The following CMYA5 variants were observed in gnomAD, a reference collection of about 807,000 sequenced individuals.
CMYA5 encodes cardiomyopathy-associated protein 5.
CMYA5 carries 246 observed loss-of-function variants against 318.9 expected under a neutral mutation model. The observed-to-expected ratio is 0.77, with a 90% CI of 0.70 to 0.86. The LOEUF (loss-of-function observed/expected upper bound fraction) is 0.86. Ranked by LOEUF, CMYA5 falls within the 40% of genes least tolerant of loss-of-function variation. The probability of loss-of-function intolerance (pLI) is 0.00; values close to 1 mark genes in which losing one functional copy is unlikely to be tolerated. For missense variants in CMYA5, 4,589 were observed against 4,678.2 expected, an observed-to-expected ratio of 0.98 and a Z score of 0.56; for synonymous variants, 1,641 against 1,729.5, an observed-to-expected ratio of 0.95 and a Z score of 1.27.
rs767402291 is a variant in CMYA5 at position 79,714,431 on chromosome 5, C to CTTTTTCTTTTTTTT, written c.150-14479_150-14478insCTTTTTTTTTTTTT. Among the ~76,000 whole-genome samples, 573 of 100,674 alleles carry CTTTTTCTTTTTTTT rather than the reference C, an allele frequency of 5.7e-3. 1 individual carries two copies. The highest frequency in any genetic ancestry group is 8.5e-3 in the African/African-American group (197 of 23,282). The allele number at this position is 100,674 out of a possible 152,430, so 66.0% of individuals were successfully genotyped here. A position where few individuals can be genotyped will look rare whatever the true frequency, so the allele number is the denominator to read the frequency against. On this transcript the variant is annotated intron_variant, in intron 1 of 12. Transcript: ENST00000446378. ...CACATCTGATATCTTTTTTCTTTTT[C>CTTTTTCTTTTTTTT]TTTTTTTTTTTTTTTTTTTTGAGAT...
intron 12 of CMYA5, among the ~76,000 whole-genome samples, chr5:79,795,511 AG>A (rs761486411): frequency 1.3e-5 from 2 of 152,134 alleles, no homozygotes; most frequent in Non-Finnish European, 2.9e-5. Context: ...CCTCCTCTGC[AG>A]TTTCAGCAGC....
At chr5:79,704,088 T>TA (rs113958705) in intron 1 of CMYA5, among the ~76,000 whole-genome samples, 5,555 of 149,738 alleles carry the variant, frequency 0.037, 321 homozygotes, top group African/African-American at 0.13. Flanking sequence ...GAGACTGTGT[T>TA]AAAAAAAAAA....
At chr5:79,741,587 G>A (rs1241657054) in intron 2 of CMYA5, among the ~76,000 whole-genome samples, 3 of 152,084 alleles carry the variant, frequency 2.0e-5, no homozygotes, top group African/African-American at 7.2e-5. Flanking sequence ...TTGGGGTTAG[G>A]GAGTAGGGCA....
rs201556819 is a variant in CMYA5 at position 79,745,306 on chromosome 5, G to A, written c.10819G>A (p.Ala3607Thr). 1.2e-6 allele frequency: 2 copies of A among 1,613,660 alleles called. No individual in the cohort carries two copies. The highest frequency in any genetic ancestry group is 3.3e-5 in the Admixed American group (2 of 59,964). Residue 3607 changes from alanine (A) to threonine (T), a missense_variant, in exon 4 of 13, where the codon GCC (alanine) becomes ACC (threonine). Physicochemically the swap from Ala to Thr is moderately conservative, Grantham distance 58. Transcript: ENST00000446378. The stretch of plus-strand genomic sequence containing the variant: ...GGTTTTAGCACAGTATGATGAGAAA[G>A]CCCAGAGCTTTGAGGAAGTGAAGAA... ...KKVLAQYDEK[A>T]QSFEEVKKKK...
In CMYA5 at chr5:79,761,942, G is replaced by A. The variant is rs1561223039; in HGVS notation, c.11392G>A (p.Ala3798Thr). ...FTGCSLPSER[A>T]IFRTAPSTPV... ...TGGATGTAGCCTGCCCAGTGAAAGGGCCATCTTTAGGACAGGTAAGGAGAT... is the reference window on the plus strand; with the variant it reads ...TGGATGTAGCCTGCCCAGTGAAAGGACCATCTTTAGGACAGGTAAGGAGAT... Residue 3798 changes from alanine to threonine, a missense_variant, in exon 8 of 13, where the codon GCC (alanine) becomes ACC (threonine). Physicochemically the swap from Ala to Thr is moderately conservative, Grantham distance 58 (BLOSUM62 0). This residue lies in a region of CMYA5 where 2,431 missense variants were observed against 2,495.1 expected (regional missense o/e 0.97). Transcript: ENST00000446378. 6.2e-7 allele frequency: 1 copy of A among 1,613,278 alleles called. No individual in the cohort carries two copies. The highest frequency in any genetic ancestry group is 1.1e-5 in the South Asian group (1 of 90,836).
At chr5:79,697,163 TTAAA>T (rs1343172600) in intron 1 of CMYA5, among the ~76,000 whole-genome samples, 1 of 152,140 alleles carries the variant, frequency 6.6e-6, no homozygotes, top group Non-Finnish European at 1.5e-5. Flanking sequence ...AGGGCAGGTA[TTAAA>T]TAAATAATCT....
chr5:79,739,665 A>AAC (rs368541481), intron 2 of CMYA5, among the ~76,000 whole-genome samples: 5,461 of 149,980 alleles, frequency 0.036, 240 homozygotes, highest in African/African-American at 0.11. Flanking sequence ...ATCCAGGAAA[A>AAC]ACACACACAC....
chr5:79,710,141 T>G (rs1486783244), intron 1 of CMYA5, among the ~76,000 whole-genome samples: 1 of 152,078 alleles, frequency 6.6e-6, no homozygotes, highest in Non-Finnish European at 1.5e-5. Flanking sequence ...AGAATTCAGC[T>G]GTCTTCTGCT....
chr5:79,791,737 A>G (rs1829184586), intron 11 of CMYA5, among the ~76,000 whole-genome samples: 5 of 150,058 alleles, frequency 3.3e-5, no homozygotes, highest in East Asian at 3.9e-4. Context: ...AAAAAAAGGC[A>G]TAGAAGAGAA....
At chr5:79,714,408 C>G (rs560258887) in intron 1 of CMYA5, among the ~76,000 whole-genome samples, 15 of 148,072 alleles carry the variant, frequency 1.0e-4, no homozygotes, top group Non-Finnish European at 1.8e-4. Flanking sequence ...CTCTGTACCA[C>G]ATCTGATATC....
rs916465951 is a variant in CMYA5 at position 79,794,297 on chromosome 5, T to A, written c.11963+687T>A. 7.2e-5 allele frequency among the ~76,000 whole-genome samples: 11 copies of A among 152,258 alleles called. 1 individual carries two copies. The highest frequency in any genetic ancestry group is 7.2e-4 in the Admixed American group (11 of 15,290). ...GATGTCTGTCAAATCCTAGGATATT[T>A]ACATCTGTCCCTTTACAGAAAAAGT... On this transcript the variant is annotated intron_variant, in intron 12 of 12. Coordinates refer to ENST00000446378, the MANE Select transcript of CMYA5 (RefSeq NM_153610.5).
At chr5:79,693,521 T>TA (rs1451661189) in intron 1 of CMYA5, among the ~76,000 whole-genome samples, 1 of 152,016 alleles carries the variant, frequency 6.6e-6, no homozygotes, top group African/African-American at 2.4e-5. Flanking sequence ...TTTGTATTTT[T>TA]ATAAGAGACA....
At chr5:79,747,440 C>T (rs1168628978) in intron 5 of CMYA5, among the ~76,000 whole-genome samples, 1 of 152,190 alleles carries the variant, frequency 6.6e-6, no homozygotes, top group Non-Finnish European at 1.5e-5. Flanking sequence ...ATTGGTTAAA[C>T]ATGAGTATTT....
intron 1 of CMYA5, 65 bp from the exon 2 acceptor site, chr5:79,728,850 C>T (rs2151083716): frequency 1.3e-6 from 1 of 743,176 alleles, no homozygotes; most frequent in East Asian, 3.9e-5. Flanking sequence ...AATGTATTTA[C>T]TTATTCTATT....
chr5:79,716,250 T>C (rs1209513059), intron 1 of CMYA5, among the ~76,000 whole-genome samples: 1 of 152,196 alleles, frequency 6.6e-6, no homozygotes, highest in African/African-American at 2.4e-5. Flanking sequence ...TAGCTAGAGA[T>C]GAAAATATCA....
At chr5:79,784,816 C>G (rs1219873402) in intron 9 of CMYA5, among the ~76,000 whole-genome samples, 1 of 150,082 alleles carries the variant, frequency 6.7e-6, no homozygotes, top group African/African-American at 2.5e-5. Flanking sequence ...CGCCCACTGT[C>G]TGGCACTCCC....
At chr5:79,749,741 T>C (rs1204487884) in intron 5 of CMYA5, among the ~76,000 whole-genome samples, 1 of 152,110 alleles carries the variant, frequency 6.6e-6, no homozygotes, top group African/African-American at 2.4e-5. Context: ...TTGGGAGAAA[T>C]GTAAACAAAC....
At chr5:79,775,644 A>G (rs1229202253) in intron 9 of CMYA5, among the ~76,000 whole-genome samples, 1 of 152,246 alleles carries the variant, frequency 6.6e-6, no homozygotes, top group Non-Finnish European at 1.5e-5. Context: ...ATTCAGCTCT[A>G]AGATGAATTT....
Position 79,732,060 on chromosome 5 carries a change from A to G in CMYA5, c.3295A>G (p.Thr1099Ala). The G allele has an allele frequency of 6.2e-7, 1 of 1,613,914 alleles. No individual in the cohort carries two copies. Among genetic ancestry groups the G allele is most frequent in the Non-Finnish European group, 8.5e-7 (1 of 1,179,858 alleles). The change falls in exon 2 of 13, where the codon ACC becomes GCC. Residue 1099 changes from threonine to alanine, a missense_variant. By Grantham distance (58) the Thr-to-Ala change is moderately conservative (BLOSUM62 0). Transcript: ENST00000446378. ...AGAAATTAAGCCAGAGATTCCAACA[A>G]CCTCAACATCTGTATCTGAATATCT... is the stretch of plus-strand genomic sequence containing the variant. ...KAEIKPEIPT[T>A]STSVSEYLIL...
Sources: allele counts gnomAD v4.1 joint callset (sites outside exome capture counted in the v4.1 genomes callset), GRCh38; gene constraint gnomAD v4.1.1; regional missense constraint gnomAD v4.1.1; transcripts MANE v1.5; gene names NCBI Gene and HGNC (gene_info 2026-07-23, HGNC 2026-07-21).